Variants in MARCO observed in about 807,000 individuals in gnomAD.
MARCO encodes the protein macrophage receptor MARCO.
In MARCO, 72 loss-of-function variants were observed where a neutral mutation model predicts 70.0. The observed-to-expected ratio is 1.03, with a 90% CI of 0.85 to 1.25. MARCO has a LOEUF of 1.25. Among genes scored for constraint, MARCO ranks in the 50% most tolerant of loss-of-function variants. The probability of loss-of-function intolerance (pLI) is 0.00; values close to 1 mark genes in which losing one functional copy is unlikely to be tolerated. For synonymous variants in MARCO, 273 were observed against 243.1 expected, an observed-to-expected ratio of 1.12 and a Z score of -1.14; for missense variants, 696 against 659.3, an observed-to-expected ratio of 1.06 and a Z score of -0.61.
intron 14 of MARCO, 140 bp downstream of exon 14, chr2:118,992,015 T>G: frequency 1.5e-6 from 1 of 688,624 alleles, no homozygotes; most frequent in South Asian, 1.9e-5. Context: ...TTTCCTTGAT[T>G]GACAAGTCTT....
At chr2:118,978,811 T>C (rs139166167) in intron 8 of MARCO, among the ~76,000 whole-genome samples, 1,708 of 152,282 alleles carry the variant, frequency 0.011, 24 homozygotes, top group African/African-American at 0.037. Flanking sequence ...CAACTAGTAA[T>C]AGGCATTAAA....
intron 12 of MARCO, among the ~76,000 whole-genome samples, chr2:118,983,807 C>T (rs1175244993): frequency 6.6e-6 from 1 of 151,978 alleles, no homozygotes; most frequent in African/African-American, 2.4e-5. Flanking sequence ...ACCCTCTGCC[C>T]CCACCCCCAC....
At chr2:118,944,389 T>TA (rs1345964776) in intron 1 of MARCO, among the ~76,000 whole-genome samples, 2 of 152,204 alleles carry the variant, frequency 1.3e-5, no homozygotes, top group Non-Finnish European at 2.9e-5. Context: ...ATTATGCAGG[T>TA]AATCACTGTG....
intron 1 of MARCO, among the ~76,000 whole-genome samples, chr2:118,957,201 G>C (rs1490585029): frequency 1.3e-5 from 2 of 151,752 alleles, no homozygotes; most frequent in Admixed American, 6.6e-5. Flanking sequence ...ACAAAAAGCT[G>C]GTTCTTTAAA....
At chr2:118,987,234 A>C (rs1680535070) in intron 12 of MARCO, among the ~76,000 whole-genome samples, 1 of 152,228 alleles carries the variant, frequency 6.6e-6, no homozygotes, top group South Asian at 2.1e-4. Flanking sequence ...GTTAAGAAGA[A>C]AAATCCAGCA....
At position 118,970,146 on chromosome 2, in the gene MARCO, G is replaced by C; in HGVS notation, c.232G>C (p.Glu78Gln). 6.2e-7 allele frequency: 1 copy of C among 1,614,134 alleles called. No individual in the cohort carries two copies. Among genetic ancestry groups the C allele is most frequent in the South Asian group, 1.1e-5 (1 of 91,076 alleles). Residue 78 changes from glutamate to glutamine, a missense_variant, in exon 3 of 17, where the codon GAG becomes CAG. By Grantham distance (29) the Glu-to-Gln change is conservative (BLOSUM62 2). Around this residue, in one of 3 missense-constraint regions of MARCO, gnomAD observed 605 missense variants for 537.6 expected, o/e 1.13. Transcript: ENST00000327097. ...LNLQARLRVL[E>Q]MYFLNDTLAA... ...TCTGCAGGCGCGGCTCCGGGTCCTG[G>C]AGATGTATTTCCTCAATGACACTCT...
At position 118,970,326 on chromosome 2, in the gene MARCO, A is replaced by G. The variant is rs1404103661; in HGVS notation, c.412A>G (p.Thr138Ala). 19 of 1,612,344 alleles carry G rather than the reference A, an allele frequency of 1.2e-5. No homozygotes were observed. The highest frequency in any genetic ancestry group is 1.6e-5 in the Non-Finnish European group (19 of 1,179,256). The change falls in exon 3 of 17, where the codon ACT (threonine) becomes GCT (alanine). Residue 138 changes from threonine to alanine, a missense_variant. Physicochemically the swap from Thr to Ala is moderately conservative, Grantham distance 58. This residue lies in a region of MARCO where 605 missense variants were observed against 537.6 expected (regional missense o/e 1.13). Transcript: ENST00000327097. Reference sequence around the variant, plus strand: ...CTTGCTGCAGCGGGTAGACAACTTCACTCAGAACCCAGGTTTGGCCTCCTC... The same window carrying G: ...CTTGCTGCAGCGGGTAGACAACTTCGCTCAGAACCCAGGTTTGGCCTCCTC... ...EHLLQRVDNF[T>A]QNPGMFRIKG...
At chr2:118,994,304 A>C in intron 16 of MARCO, 83 bp from the exon 17 acceptor site, 1 of 1,507,274 alleles carries the variant, frequency 6.6e-7, no homozygotes, top group South Asian at 1.1e-5. Context: ...CTCAGATGGA[A>C]GCTCCCAGGC....
At chr2:118,983,427 T>A (rs1680431235) in intron 12 of MARCO, among the ~76,000 whole-genome samples, 1 of 152,206 alleles carries the variant, frequency 6.6e-6, no homozygotes, top group African/African-American at 2.4e-5. Flanking sequence ...CTTTTGTGTT[T>A]CTTTGAAAGC....
chr2:118,984,744 G>A (rs1459212838), intron 12 of MARCO, among the ~76,000 whole-genome samples: 2 of 152,164 alleles, frequency 1.3e-5, no homozygotes, highest in Admixed American at 6.5e-5. Context: ...AGAAGCAGGG[G>A]CAGGCAGAGG....
intron 1 of MARCO, among the ~76,000 whole-genome samples, chr2:118,965,388 A>G (rs1021081793): frequency 3.9e-5 from 6 of 152,062 alleles, no homozygotes; most frequent in African/African-American, 1.2e-4. Flanking sequence ...TTTTAGTTCT[A>G]TAGTTTCCAT....
At chr2:118,992,349 C>G in intron 14 of MARCO, 83 bp from the exon 15 acceptor site, 2 of 1,154,130 alleles carry the variant, frequency 1.7e-6, no homozygotes, top group African/African-American at 1.5e-5. Flanking sequence ...CAACCCTCCA[C>G]CCGCTCCCCA....
At chr2:118,973,920 G>A (rs1177067304) in intron 4 of MARCO, among the ~76,000 whole-genome samples, 4 of 152,230 alleles carry the variant, frequency 2.6e-5, no homozygotes, top group Non-Finnish European at 5.9e-5. Context: ...ACATGAAGAA[G>A]ACAGACAAGG....
At chr2:118,952,888 G>A (rs1220934605) in intron 1 of MARCO, 1 of 152,160 alleles carries the variant, frequency 6.6e-6, no homozygotes. Context: ...TGCCACAAAG[G>A]AAAGTCAGCA....
intron 1 of MARCO, among the ~76,000 whole-genome samples, chr2:118,966,962 A>T (rs1285367830): frequency 2.6e-5 from 4 of 152,178 alleles, no homozygotes; most frequent in Non-Finnish European, 5.9e-5. Context: ...CAACACTTCT[A>T]ACTCTGCACA....
At position 118,982,243 on chromosome 2, in the gene MARCO, C is replaced by G; in HGVS notation, c.989C>G (p.Pro330Arg). 6.2e-7 allele frequency: 1 copy of G among 1,612,894 alleles called. No homozygotes were observed. Among genetic ancestry groups the G allele is most frequent in the Non-Finnish European group, 8.5e-7 (1 of 1,179,104 alleles). ...GGTGAGCCTGGCAGTGCTGGCTCCC[C>G]TGGGCGAGCAGGTGAGGTCCTGGGT... ...AKGEPGSAGS[P>R]GRAGLPGSPG... The change falls in exon 11 of 17, where the codon CCT becomes CGT. Residue 330 changes from proline to arginine, a missense_variant. By Grantham distance (103) the Pro-to-Arg change is moderately radical (BLOSUM62 -2). Coordinates refer to ENST00000327097, the MANE Select transcript of MARCO (RefSeq NM_006770.4).
intron 1 of MARCO, among the ~76,000 whole-genome samples, chr2:118,950,905 C>T (rs763156128): frequency 1.1e-4 from 16 of 151,736 alleles, no homozygotes; most frequent in Non-Finnish European, 2.1e-4. Flanking sequence ...TAGGATAATA[C>T]ATATGACACT....
At chr2:118,990,921 C>A (rs1193978726) in intron 13 of MARCO, among the ~76,000 whole-genome samples, 1 of 152,192 alleles carries the variant, frequency 6.6e-6, no homozygotes, top group Admixed American at 6.5e-5. Context: ...GGGGTGCAGG[C>A]AGAGGCTCCA....
chr2:118,994,503 G>A lies in MARCO; in HGVS notation c.1546G>A (p.Val516Met), dbSNP rs1365977435. 2.5e-6 allele frequency: 4 copies of A among 1,602,318 alleles called. No individual in the cohort carries two copies. The highest frequency in any genetic ancestry group is 2.2e-5 in the East Asian group (1 of 44,694). ...HDCSHEEDAG[V>M]ECSV The stretch of plus-strand genomic sequence containing the variant: ...CTGCAGCCACGAGGAGGACGCAGGC[G>A]TGGAGTGCAGCGTCTGACCCGGAAA... The change falls in exon 17 of 17, where the codon GTG becomes ATG. Residue 516 changes from valine (V) to methionine (M), a missense_variant. Around this residue, in one of 3 missense-constraint regions of MARCO, gnomAD observed 58 missense variants for 62.1 expected, o/e 0.93. Coordinates refer to ENST00000327097, the MANE Select transcript of MARCO (RefSeq NM_006770.4).
Sources: gnomAD v4.1 joint callset for allele counts (sites outside exome capture counted in the v4.1 genomes callset) on GRCh38, gnomAD v4.1.1 for gene constraint, gnomAD v4.1.1 regional missense constraint, MANE v1.5 for transcripts, NCBI Gene and HGNC (gene_info 2026-07-23, HGNC 2026-07-21) for gene names.